Variants in GABRG3 observed in about 807,000 individuals in gnomAD.
The protein encoded by GABRG3 is gamma-aminobutyric acid type A receptor subunit gamma3, also known as gamma-aminobutyric acid receptor subunit gamma-3.
GABRG3 carries 25 observed loss-of-function variants against 48.8 expected under a neutral mutation model. The observed-to-expected ratio is 0.51, with a 90% CI of 0.37 to 0.72. GABRG3 has a LOEUF of 0.72. Ranked by LOEUF, GABRG3 falls within the 30% of genes least tolerant of loss-of-function variation. The pLI is 0.00. For missense variants in GABRG3, 394 were observed against 577.9 expected (o/e 0.68, Z 3.26); for synonymous variants, 227 against 217.6 (o/e 1.04, Z -0.38).
At chr15:27,013,116 T>C (rs761298826) in intron 2 of GABRG3, among the ~76,000 whole-genome samples, 1 of 152,140 alleles carries the variant, frequency 6.6e-6, no homozygotes, top group Non-Finnish European at 1.5e-5. Context: ...GGACTTCACA[T>C]CTGGATTTCT....
intron 3 of GABRG3, among the ~76,000 whole-genome samples, chr15:27,186,454 A>G (rs556077545): frequency 3.9e-5 from 6 of 152,268 alleles, no homozygotes; most frequent in African/African-American, 1.2e-4. Context: ...GCTATCATGA[A>G]TAGTGCTGTG....
At chr15:27,406,173 A>G (rs932966679) in intron 5 of GABRG3, among the ~76,000 whole-genome samples, 2 of 152,086 alleles carry the variant, frequency 1.3e-5, no homozygotes, top group African/African-American at 4.8e-5. Flanking sequence ...CCAAAATAAA[A>G]TATACACGAG....
intron 6 of GABRG3, among the ~76,000 whole-genome samples, chr15:27,498,540 G>A (rs367888169): frequency 6.6e-6 from 1 of 151,948 alleles, no homozygotes; most frequent in East Asian, 1.9e-4. Flanking sequence ...CTGTCTCCCA[G>A]GCTGGAGTGC....
chr15:27,152,129 A>G (rs942552825), intron 3 of GABRG3, among the ~76,000 whole-genome samples: 1 of 152,168 alleles, frequency 6.6e-6, no homozygotes, highest in Non-Finnish European at 1.5e-5. Context: ...TTATAGTTTC[A>G]TTAATTCTGT....
intron 3 of GABRG3, among the ~76,000 whole-genome samples, chr15:27,233,941 C>A (rs1889879502): frequency 6.6e-6 from 1 of 152,166 alleles, no homozygotes; most frequent in Non-Finnish European, 1.5e-5. Context: ...CAAGTTATTT[C>A]AATTTACAAT....
chr15:27,268,980 G>T (rs1891001707), intron 3 of GABRG3, among the ~76,000 whole-genome samples: 1 of 152,080 alleles, frequency 6.6e-6, no homozygotes, highest in Admixed American at 6.5e-5. Context: ...TGTTGCCCAG[G>T]GTCTGTCTTG....
chr15:27,084,935 C>A (rs750929139), intron 3 of GABRG3, among the ~76,000 whole-genome samples: 31 of 152,222 alleles, frequency 2.0e-4, no homozygotes, highest in African/African-American at 7.5e-4. Flanking sequence ...TCTGTGTGAG[C>A]ACCAGCCCTA....
intron 5 of GABRG3, among the ~76,000 whole-genome samples, chr15:27,419,937 A>G (rs577817511): frequency 1.3e-5 from 2 of 152,220 alleles, no homozygotes; most frequent in Admixed American, 6.5e-5. Context: ...TCCAAGAGAC[A>G]TATATTTCAA....
chr15:27,380,739 A>G (rs1010983158), intron 5 of GABRG3, among the ~76,000 whole-genome samples: 5 of 145,498 alleles, frequency 3.4e-5, no homozygotes, highest in Admixed American at 7.0e-5. Context: ...CTCAGGGGCT[A>G]CGGGGGGAGA....
chr15:27,381,959 C>T (rs1169283330), intron 5 of GABRG3, among the ~76,000 whole-genome samples: 1 of 152,078 alleles, frequency 6.6e-6, no homozygotes, highest in Non-Finnish European at 1.5e-5. Flanking sequence ...CTCCATGCCC[C>T]AATTACAAGA....
chr15:27,324,761 A>G (rs1893549874), intron 3 of GABRG3, among the ~76,000 whole-genome samples: 1 of 152,200 alleles, frequency 6.6e-6, no homozygotes, highest in Non-Finnish European at 1.5e-5. Context: ...TGCAATGCCA[A>G]GAGCTGCTGT....
chr15:27,307,639 A>G (rs1246812833), intron 3 of GABRG3, among the ~76,000 whole-genome samples: 3 of 127,758 alleles, frequency 2.3e-5, no homozygotes, highest in African/African-American at 8.4e-5. Flanking sequence ...ATATTTATAT[A>G]TAAACATAGG....
At chr15:27,444,840 A>G (rs1479524133) in intron 5 of GABRG3, among the ~76,000 whole-genome samples, 1 of 152,168 alleles carries the variant, frequency 6.6e-6, no homozygotes, top group African/African-American at 2.4e-5. Context: ...TTCCAAAGCC[A>G]GCTTTAATCC....
intron 3 of GABRG3, among the ~76,000 whole-genome samples, chr15:27,216,410 C>T (rs1157471028): frequency 6.6e-6 from 1 of 152,196 alleles, no homozygotes; most frequent in African/African-American, 2.4e-5. Flanking sequence ...GTTCACTCTG[C>T]AGAGCTGCTG....
intron 3 of GABRG3, among the ~76,000 whole-genome samples, chr15:27,099,508 G>A (rs1897320647): frequency 6.6e-6 from 1 of 152,118 alleles, no homozygotes; most frequent in Non-Finnish European, 1.5e-5. Flanking sequence ...AGAACCTACT[G>A]TAATAGCCTC....
intron 6 of GABRG3, among the ~76,000 whole-genome samples, chr15:27,501,867 G>A (rs1890648822): frequency 6.6e-6 from 1 of 152,080 alleles, no homozygotes. Context: ...AGCAGGAGAA[G>A]AGTGTGGGAT....
intron 5 of GABRG3, among the ~76,000 whole-genome samples, chr15:27,342,841 C>T (rs768490467): frequency 1.3e-5 from 2 of 152,158 alleles, no homozygotes; most frequent in African/African-American, 2.4e-5. Flanking sequence ...GCGTTGCTCC[C>T]GCCTCACCTG....
intron 3 of GABRG3, among the ~76,000 whole-genome samples, chr15:27,191,417 G>T (rs571292341): frequency 3.2e-4 from 48 of 152,268 alleles, no homozygotes; most frequent in South Asian, 1.5e-3. Context: ...CCTGTATTGG[G>T]TGCATATATA....
chr15:27,536,748 C>T lies in GABRG3; in HGVS notation c.*3867C>T, dbSNP rs954583788. On this transcript the variant is annotated 3_prime_UTR_variant, in exon 10 of 10. Coordinates refer to ENST00000615808, the MANE Select transcript of GABRG3 (RefSeq NM_033223.5). The stretch of plus-strand genomic sequence containing the variant: ...CTGCAGTAAGTTTGCAGGCATGTTG[C>T]TTCGTTGTTCTGCAATATAACCACA... 1.3e-5 allele frequency: 2 copies of T among 152,174 alleles called. No individual in the cohort carries two copies. The highest frequency in any genetic ancestry group is 4.8e-5 in the African/African-American group (2 of 41,430). 9.4% of individuals were successfully genotyped at this position (152,174 alleles called of 1,614,324 possible).
Sources: allele counts gnomAD v4.1 joint callset (sites outside exome capture counted in the v4.1 genomes callset), GRCh38; gene constraint gnomAD v4.1.1; transcripts MANE v1.5; gene names NCBI Gene and HGNC (gene_info 2026-07-23, HGNC 2026-07-21).